The following CNPY1 variants were observed in gnomAD, a reference collection of about 807,000 sequenced individuals.
CNPY1 encodes the protein canopy FGF signaling regulator 1, also known as protein canopy homolog 1.
A neutral mutation model predicts 14.4 loss-of-function variants in CNPY1; 14 were observed. The ratio of observed to expected loss-of-function variants is 0.97; its 90% CI spans 0.64 to 1.52. The LOEUF (loss-of-function observed/expected upper bound fraction) is 1.52. Among genes scored for constraint, CNPY1 ranks in the 40% most tolerant of loss-of-function variants. CNPY1 has a pLI of 0.00. For synonymous variants in CNPY1, 43 were observed against 46.5 expected, an observed-to-expected ratio of 0.92 and a Z score of 0.31; for missense variants, 129 against 131.5, an observed-to-expected ratio of 0.98 and a Z score of 0.09.
intron 2 of CNPY1, among the ~76,000 whole-genome samples, chr7:155,527,434 C>CTTTTTTTTTT (rs11364914): frequency 7.0e-5 from 4 of 56,882 alleles, no homozygotes; most frequent in Admixed American, 3.0e-4. Context: ...TAATTAATTT[C>CTTTTTTTTTT]TTTTTTTTTT....
At chr7:155,525,845 A>T (rs1796810140) in intron 2 of CNPY1, among the ~76,000 whole-genome samples, 1 of 152,116 alleles carries the variant, frequency 6.6e-6, no homozygotes, top group African/African-American at 2.4e-5. Flanking sequence ...CAGGTGCCTA[A>T]CTCCTCTGTT....
intron 2 of CNPY1, among the ~76,000 whole-genome samples, chr7:155,544,418 A>C (rs949385064): frequency 2.6e-5 from 4 of 152,198 alleles, no homozygotes; most frequent in African/African-American, 9.7e-5. Flanking sequence ...CTGTAGAGAA[A>C]GACTTCCTTT....
At chr7:155,511,095 A>G (rs1477078912) in intron 2 of CNPY1, among the ~76,000 whole-genome samples, 2 of 152,188 alleles carry the variant, frequency 1.3e-5, no homozygotes, top group African/African-American at 4.8e-5. Flanking sequence ...TCTAACTGTA[A>G]TCAAGAAATT....
intron 2 of CNPY1, among the ~76,000 whole-genome samples, chr7:155,514,722 C>T (rs1050595921): frequency 7.9e-5 from 12 of 152,054 alleles, no homozygotes; most frequent in East Asian, 3.9e-4. Context: ...TGGAGAGACC[C>T]GGTCTCTACT....
chr7:155,505,880 T>C (rs1389454746), intron 4 of CNPY1, among the ~76,000 whole-genome samples: 1 of 152,224 alleles, frequency 6.6e-6, no homozygotes, highest in African/African-American at 2.4e-5. Flanking sequence ...CCTGACTACG[T>C]CGTCTCACTG....
At chr7:155,537,424 C>CTT (rs557551511) in intron 2 of CNPY1, among the ~76,000 whole-genome samples, 24 of 137,782 alleles carry the variant, frequency 1.7e-4, no homozygotes, top group South Asian at 2.3e-4. Flanking sequence ...TTTTTCTTTT[C>CTT]TTTTTTTTTT....
At chr7:155,528,115 G>T (rs77039870) in intron 2 of CNPY1, among the ~76,000 whole-genome samples, 1,921 of 152,350 alleles carry the variant, frequency 0.013, 51 homozygotes, top group African/African-American at 0.044. Flanking sequence ...TGTGGCTGGA[G>T]AGGGCTCCTT....
At position 155,503,146 on chromosome 7, in the gene CNPY1, T is replaced by C. The variant is rs370495689; in HGVS notation, c.401-41A>G. The C allele has an allele frequency of 2.0e-6, 3 of 1,500,182 alleles. No homozygotes were observed. In the Admixed American group the frequency reaches 5.2e-5, roughly 26 times the overall value. 92.9% of individuals were successfully genotyped at this position (1,500,182 alleles called of 1,614,324 possible). A position where few individuals can be genotyped will look rare whatever the true frequency, so the allele number is the denominator to read the frequency against. On this transcript the variant is annotated intron_variant, in intron 4 of 4. Coordinates refer to ENST00000636446, the MANE Select transcript of CNPY1 (RefSeq NM_001393663.1). ...AAAGTAGATAGCATCATTATCACTTTAGACTCCAGCCCGTTAAGTCATTTA... is the reference window on the plus strand; with the variant it reads ...AAAGTAGATAGCATCATTATCACTTCAGACTCCAGCCCGTTAAGTCATTTA...
At chr7:155,517,041 G>A (rs1004501328) in intron 2 of CNPY1, among the ~76,000 whole-genome samples, 3 of 152,152 alleles carry the variant, frequency 2.0e-5, no homozygotes, top group Non-Finnish European at 2.9e-5. Context: ...TGCATGTGCC[G>A]TGCCCTCCAC....
intron 4 of CNPY1, chr7:155,506,773 T>C (rs1441649919): frequency 4.7e-6 from 2 of 430,050 alleles, no homozygotes; most frequent in Non-Finnish European, 8.2e-6. Context: ...AAATCAAGAA[T>C]GTTTGAATTC....
At position 155,508,972 on chromosome 7, in the gene CNPY1, A is replaced by G. The variant is rs1402933091; in HGVS notation, c.225T>C (p.Pro75=). 3.7e-6 allele frequency: 6 copies of G among 1,613,834 alleles called. No homozygotes were observed. In the South Asian group the frequency reaches 6.6e-5, roughly 18 times the overall value. ...TKERTFKRFA[P]RKGDKIYQEF... ...CTTGGTATATTTTGTCTCCTTTCCT[A>G]GGAGCGAATCTCTTGAAAGTTCTCT... The change falls in exon 3 of 5, where the codon CCT becomes CCC. Residue 75 remains proline (P), a synonymous_variant. Coordinates refer to ENST00000636446, the MANE Select transcript of CNPY1 (RefSeq NM_001393663.1).
intron 4 of CNPY1, among the ~76,000 whole-genome samples, chr7:155,505,753 T>C (rs1796284174): frequency 6.6e-6 from 1 of 152,264 alleles, no homozygotes. Flanking sequence ...CATACATCTC[T>C]GAATTGTTTG....
intron 2 of CNPY1, among the ~76,000 whole-genome samples, chr7:155,515,294 G>GC (rs57488569): frequency 3.2e-4 from 38 of 120,270 alleles, no homozygotes; most frequent in Non-Finnish European, 5.7e-4. Context: ...TCTCAAGGCC[G>GC]CCCCCCCCCC....
At chr7:155,532,888 C>G (rs1458059219) in intron 2 of CNPY1, among the ~76,000 whole-genome samples, 2 of 151,962 alleles carry the variant, frequency 1.3e-5, no homozygotes, top group African/African-American at 4.8e-5. Flanking sequence ...GTTGGGAGTC[C>G]CTGGGAACCA....
intron 3 of CNPY1, among the ~76,000 whole-genome samples, chr7:155,508,414 CCT>C (rs1005732701): frequency 6.6e-6 from 1 of 152,172 alleles, no homozygotes; most frequent in African/African-American, 2.4e-5. Flanking sequence ...CATCACTCTC[CCT>C]CTGTCATTTG....
At chr7:155,540,708 G>A (rs1797074276) in intron 2 of CNPY1, among the ~76,000 whole-genome samples, 1 of 152,198 alleles carries the variant, frequency 6.6e-6, no homozygotes, top group African/African-American at 2.4e-5. Flanking sequence ...GGTCCCTGTG[G>A]GTAACACACG....
At chr7:155,523,893 C>A (rs1458042916) in intron 2 of CNPY1, among the ~76,000 whole-genome samples, 1 of 152,140 alleles carries the variant, frequency 6.6e-6, no homozygotes, top group African/African-American at 2.4e-5. Context: ...AGACCCAGAC[C>A]ACACGGGGGA....
intron 2 of CNPY1, among the ~76,000 whole-genome samples, chr7:155,528,713 A>G (rs1011103851): frequency 3.9e-5 from 6 of 152,194 alleles, no homozygotes; most frequent in Admixed American, 3.3e-4. Context: ...GTCTTCCTGC[A>G]CTTCCCTGTT....
chr7:155,519,141 C>T (rs570539830), intron 2 of CNPY1, among the ~76,000 whole-genome samples: 4 of 152,248 alleles, frequency 2.6e-5, no homozygotes, highest in African/African-American at 9.6e-5. Flanking sequence ...CCACCACACC[C>T]CAGGGGCCGG....
Sources: gnomAD v4.1 joint callset for allele counts (sites outside exome capture counted in the v4.1 genomes callset) on GRCh38, gnomAD v4.1.1 for gene constraint, MANE v1.5 for transcripts, NCBI Gene and HGNC (gene_info 2026-07-23, HGNC 2026-07-21) for gene names.